THEMIS: variants seen among roughly 807,000 people sequenced by gnomAD.
THEMIS encodes the protein protein THEMIS.
In THEMIS, 37 loss-of-function variants were observed where a neutral mutation model predicts 52.6. The observed-to-expected ratio is 0.70, with a 90% confidence interval of 0.54 to 0.93. THEMIS has a LOEUF of 0.93. Ranked by LOEUF, THEMIS falls within the 40% of genes least tolerant of loss-of-function variation. The pLI, the probability that THEMIS is intolerant of heterozygous loss-of-function variation, is 0.00. For missense variants in THEMIS, 808 were observed against 763.1 expected, an observed-to-expected ratio of 1.06 and a Z score of -0.69; for synonymous variants, 292 against 272.7, an observed-to-expected ratio of 1.07 and a Z score of -0.70.
At chr6:127,820,149 T>C (rs1778287875) in intron 3 of THEMIS, among the ~76,000 whole-genome samples, 1 of 152,130 alleles carries the variant, frequency 6.6e-6, no homozygotes, top group Non-Finnish European at 1.5e-5. Flanking sequence ...AAATGTTTTT[T>C]ACAGTATAAT....
chr6:127,767,089 C>A (rs1374600919), intron 4 of THEMIS, among the ~76,000 whole-genome samples: 1 of 149,772 alleles, frequency 6.7e-6, no homozygotes, highest in Admixed American at 6.7e-5. Flanking sequence ...AAAATATTTT[C>A]TTTTTTTTTG....
chr6:127,887,374 G>A (rs1462067551), intron 1 of THEMIS, among the ~76,000 whole-genome samples: 2 of 152,078 alleles, frequency 1.3e-5, no homozygotes, highest in African/African-American at 4.8e-5. Context: ...TAGCGTGGAT[G>A]TTAAGAAACT....
At chr6:127,854,955 G>A in intron 2 of THEMIS, 75 bp downstream of exon 2, 1 of 1,275,580 alleles carries the variant, frequency 7.8e-7, no homozygotes, top group Non-Finnish European at 1.0e-6. Flanking sequence ...TTTTTTTCTT[G>A]TTTTTGGTTG....
At chr6:127,858,338 T>C (rs1441457104) in intron 1 of THEMIS, among the ~76,000 whole-genome samples, 1 of 152,076 alleles carries the variant, frequency 6.6e-6, no homozygotes, top group Non-Finnish European at 1.5e-5. Context: ...AATAATCTTT[T>C]GTAATTTCTC....
chr6:127,835,079 A>T (rs1778832060), intron 2 of THEMIS, among the ~76,000 whole-genome samples: 1 of 152,164 alleles, frequency 6.6e-6, no homozygotes, highest in African/African-American at 2.4e-5. Context: ...TCTGCAGAGC[A>T]CTGTTCCTTG....
chr6:127,873,720 C>T (rs974983360), intron 1 of THEMIS, among the ~76,000 whole-genome samples: 5 of 152,164 alleles, frequency 3.3e-5, no homozygotes, highest in Admixed American at 2.0e-4. Context: ...TAATAGGCTA[C>T]TGTTGACTGG....
chr6:127,703,661 T>TAAC (rs1483281847), downstream of THEMIS, among the ~76,000 whole-genome samples: 2 of 152,188 alleles, frequency 1.3e-5, no homozygotes, highest in Non-Finnish European at 2.9e-5. Context: ...CATTCTTTAT[T>TAAC]AACACTTTGG....
At chr6:127,718,388 C>G (rs190665822) in intron 5 of THEMIS, among the ~76,000 whole-genome samples, 46 of 151,986 alleles carry the variant, frequency 3.0e-4, no homozygotes, top group African/African-American at 1.1e-3. Flanking sequence ...TCATCACTTA[C>G]AAGTAATACG....
intron 4 of THEMIS, among the ~76,000 whole-genome samples, chr6:127,768,534 A>G (rs549492607): frequency 3.3e-5 from 5 of 152,328 alleles, no homozygotes; most frequent in South Asian, 4.1e-4. Context: ...TAAAATATGT[A>G]TGCCTTTTCC....
intron 2 of THEMIS, among the ~76,000 whole-genome samples, chr6:127,843,374 C>T (rs566975882): frequency 6.6e-6 from 1 of 151,530 alleles, no homozygotes; most frequent in East Asian, 2.0e-4. Flanking sequence ...GTACCATTAA[C>T]GTAGCCATTG....
intron 2 of THEMIS, among the ~76,000 whole-genome samples, chr6:127,851,649 G>A (rs1036223987): frequency 1.1e-4 from 17 of 151,646 alleles, no homozygotes; most frequent in East Asian, 3.9e-4. Context: ...TACCATAGGC[G>A]TCTACTTATA....
chr6:127,731,114 T>C (rs573975320), intron 4 of THEMIS, among the ~76,000 whole-genome samples: 1 of 152,354 alleles, frequency 6.6e-6, no homozygotes. Context: ...CTGGTTATAA[T>C]TTCTTTGCTG....
chr6:127,868,913 C>T (rs955629549), intron 1 of THEMIS, among the ~76,000 whole-genome samples: 1 of 152,150 alleles, frequency 6.6e-6, no homozygotes, highest in African/African-American at 2.4e-5. Context: ...AACAGAATAA[C>T]AGTGCTATGT....
chr6:127,897,970 A>ATATATATTT (rs1781022482), intron 1 of THEMIS, among the ~76,000 whole-genome samples: 2 of 151,762 alleles, frequency 1.3e-5, no homozygotes, highest in South Asian at 2.1e-4. Context: ...TATATAAAAC[A>ATATATATTT]GCATGGATTA....
chr6:127,811,102 A>C (rs1382757710), intron 4 of THEMIS, among the ~76,000 whole-genome samples: 1 of 152,204 alleles, frequency 6.6e-6, no homozygotes, highest in Non-Finnish European at 1.5e-5. Flanking sequence ...CCAGCAAAAC[A>C]GGTAGTGACT....
intron 4 of THEMIS, among the ~76,000 whole-genome samples, chr6:127,725,845 T>C (rs1002376380): frequency 4.6e-5 from 7 of 152,080 alleles, no homozygotes; most frequent in Non-Finnish European, 5.9e-5. Context: ...AGCCTTACGT[T>C]GTTTACAGAG....
At chr6:127,832,432 T>A (rs1382776906) in intron 2 of THEMIS, among the ~76,000 whole-genome samples, 2 of 152,150 alleles carry the variant, frequency 1.3e-5, no homozygotes, top group South Asian at 4.1e-4. Context: ...CATTCCTTTT[T>A]AAAAACAGCC....
chr6:127,831,644 A>G (rs149677977), intron 2 of THEMIS, among the ~76,000 whole-genome samples: 2 of 152,168 alleles, frequency 1.3e-5, no homozygotes, highest in Admixed American at 1.3e-4. Context: ...ATTTTTACTC[A>G]TACAAACAAA....
At chr6:127,811,175 A>G (rs1398100621) in intron 4 of THEMIS, among the ~76,000 whole-genome samples, 2 of 152,118 alleles carry the variant, frequency 1.3e-5, no homozygotes, top group African/African-American at 2.4e-5. Flanking sequence ...GATGTCTTAT[A>G]TTATCTTTCT....
Sources: gnomAD v4.1 joint callset for allele counts (sites outside exome capture counted in the v4.1 genomes callset) on GRCh38, gnomAD v4.1.1 for gene constraint, MANE v1.5 for transcripts, NCBI Gene and HGNC (gene_info 2026-07-23, HGNC 2026-07-21) for gene names.